CTNNA2: variants seen among roughly 807,000 people sequenced by gnomAD.
CTNNA2 encodes catenin alpha 2, also known as catenin alpha-2.
A neutral mutation model predicts 101.0 loss-of-function variants in CTNNA2; 42 were observed. That is an observed-to-expected ratio of 0.42 (90% CI 0.32 to 0.54). The LOEUF (loss-of-function observed/expected upper bound fraction) is 0.54. CTNNA2 is among the 20% of genes least tolerant of loss of function. The pLI, the probability that CTNNA2 is intolerant of heterozygous loss-of-function variation, is 0.14. For missense variants in CTNNA2, 871 were observed against 1,223.1 expected (o/e 0.71, Z 4.29); for synonymous variants, 450 against 456.4 (o/e 0.99, Z 0.18).
chr2:79,653,718 T>C (rs1681417408), intron 2 of CTNNA2, among the ~76,000 whole-genome samples: 1 of 152,218 alleles, frequency 6.6e-6, no homozygotes, highest in African/African-American at 2.4e-5. Context: ...TGGTTTCTTT[T>C]GGCTTAATAG....
chr2:80,308,754 G>T (rs1677261332), intron 7 of CTNNA2, among the ~76,000 whole-genome samples: 3 of 152,212 alleles, frequency 2.0e-5, no homozygotes, highest in East Asian at 1.9e-4. Context: ...AATAATAAAA[G>T]AAATAATAAA....
At chr2:79,215,395 T>C (rs1426675680) in intron 2 of CTNNA2, among the ~76,000 whole-genome samples, 1 of 152,194 alleles carries the variant, frequency 6.6e-6, no homozygotes, top group East Asian at 1.9e-4. Flanking sequence ...AGGCAAAGAA[T>C]TGCAACTGAG....
intron 7 of CTNNA2, among the ~76,000 whole-genome samples, chr2:80,080,902 A>C (rs1326149521): frequency 1.3e-5 from 2 of 151,402 alleles, no homozygotes; most frequent in Admixed American, 1.3e-4. Context: ...GTTGTGAAAT[A>C]AACTGTCAGA....
intron 3 of CTNNA2, among the ~76,000 whole-genome samples, chr2:79,752,945 A>C (rs902105260): frequency 6.6e-6 from 1 of 152,244 alleles, no homozygotes; most frequent in Non-Finnish European, 1.5e-5. Flanking sequence ...GAAAGCAGGT[A>C]GGGAGGAGAG....
chr2:79,507,216 A>G (rs1671432366), intron 5 of CTNNA2, among the ~76,000 whole-genome samples: 2 of 152,192 alleles, frequency 1.3e-5, no homozygotes, highest in Admixed American at 1.3e-4. Flanking sequence ...TGAGTTCTAA[A>G]ATTATGTATT....
At chr2:80,385,208 T>C (rs1482426543) in intron 7 of CTNNA2, among the ~76,000 whole-genome samples, 3 of 152,130 alleles carry the variant, frequency 2.0e-5, no homozygotes, top group Non-Finnish European at 4.4e-5. Flanking sequence ...TATTTGGAGG[T>C]GGAGGCCTTT....
intron 7 of CTNNA2, among the ~76,000 whole-genome samples, chr2:80,372,372 T>G (rs1675521450): frequency 6.6e-6 from 1 of 151,986 alleles, no homozygotes; most frequent in Non-Finnish European, 1.5e-5. Flanking sequence ...GAGAAGTTTT[T>G]TTTTTTTTTT....
At chr2:79,329,350 C>A (rs1229996894) in intron 3 of CTNNA2, among the ~76,000 whole-genome samples, 3 of 152,098 alleles carry the variant, frequency 2.0e-5, no homozygotes, top group Non-Finnish European at 4.4e-5. Flanking sequence ...TACCTGCCAG[C>A]TGTAAATAAC....
chr2:80,139,042 G>T (rs1021178115), intron 7 of CTNNA2, among the ~76,000 whole-genome samples: 1 of 152,050 alleles, frequency 6.6e-6, no homozygotes, highest in Non-Finnish European at 1.5e-5. Context: ...TTTTAAAGTT[G>T]CTCTAAGCGA....
intron 1 of CTNNA2, among the ~76,000 whole-genome samples, chr2:79,640,058 A>C (rs1188541336): frequency 6.6e-6 from 1 of 152,038 alleles, no homozygotes; most frequent in Non-Finnish European, 1.5e-5. Flanking sequence ...ATCATTGTGA[A>C]AGTGAAGATC....
Position 80,124,715 on chromosome 2 carries a change from G to T in CTNNA2, c.1056+214918G>T, listed in dbSNP as rs572688757. On this transcript the variant is annotated intron_variant, in intron 7 of 18. Transcript: ENST00000402739. Reference sequence around the variant, plus strand: ...TTTAAATCCATTACCTAAATGTACAGCGTTGCCATGCATTGCTTTTCCCAG... The same window carrying T: ...TTTAAATCCATTACCTAAATGTACATCGTTGCCATGCATTGCTTTTCCCAG... Among the ~76,000 whole-genome samples, 14 of 152,272 alleles carry T rather than the reference G, an allele frequency of 9.2e-5. No individual in the cohort carries two copies. The South Asian group carries it at 2.9e-3, about 32-fold the overall frequency.
chr2:80,473,623 C>G (rs1017069935), intron 9 of CTNNA2, among the ~76,000 whole-genome samples: 5 of 152,214 alleles, frequency 3.3e-5, no homozygotes, highest in African/African-American at 1.2e-4. Flanking sequence ...GCTCCAGACT[C>G]TGGCATGCCT....
chr2:79,255,032 G>A (rs1250836932), intron 2 of CTNNA2, among the ~76,000 whole-genome samples: 4 of 152,106 alleles, frequency 2.6e-5, no homozygotes, highest in Non-Finnish European at 5.9e-5. Flanking sequence ...ACCTGAGAGA[G>A]GGTATTGGAA....
chr2:79,812,126 A>G (rs943235178), intron 3 of CTNNA2, among the ~76,000 whole-genome samples: 2 of 152,158 alleles, frequency 1.3e-5, no homozygotes, highest in Non-Finnish European at 2.9e-5. Context: ...ATTATTTCCA[A>G]TGTCATTTTT....
intron 7 of CTNNA2, among the ~76,000 whole-genome samples, chr2:80,304,907 CAAAA>C (rs56174873): frequency 1.6e-4 from 12 of 73,820 alleles, no homozygotes; most frequent in African/African-American, 5.8e-4. Context: ...GTCCATATTT[CAAAA>C]AAAAAAAAAA....
intron 9 of CTNNA2, among the ~76,000 whole-genome samples, chr2:80,487,642 G>A (rs1021685887): frequency 1.3e-5 from 2 of 152,144 alleles, no homozygotes; most frequent in Non-Finnish European, 2.9e-5. Context: ...ATGACACATG[G>A]GGATTATGGG....
At chr2:79,216,481 G>A (rs769343844) in intron 2 of CTNNA2, among the ~76,000 whole-genome samples, 4 of 151,672 alleles carry the variant, frequency 2.6e-5, no homozygotes, top group Non-Finnish European at 5.9e-5. Context: ...ATAAGAGGTT[G>A]GGGCATGGAA....
At chr2:79,484,699 T>A (rs1671141663) in intron 4 of CTNNA2, among the ~76,000 whole-genome samples, 1 of 152,162 alleles carries the variant, frequency 6.6e-6, no homozygotes, top group South Asian at 2.1e-4. Context: ...TGAGCTCACC[T>A]GGTAGCTGTA....
chr2:79,242,992 A>G (rs1674648144), intron 2 of CTNNA2, among the ~76,000 whole-genome samples: 1 of 119,006 alleles, frequency 8.4e-6, no homozygotes, highest in Non-Finnish European at 1.8e-5. Flanking sequence ...ATATATATAT[A>G]TACACACACA....
Sources: allele counts gnomAD v4.1 joint callset (sites outside exome capture counted in the v4.1 genomes callset), GRCh38; gene constraint gnomAD v4.1.1; transcripts MANE v1.5; gene names NCBI Gene and HGNC (gene_info 2026-07-23, HGNC 2026-07-21).